Variants in CTTN observed in about 807,000 individuals in gnomAD.
CTTN encodes src substrate cortactin.
Under a neutral mutation model 84.0 loss-of-function variants are expected in CTTN, and 28 were observed. That is an observed-to-expected ratio of 0.33 (90% CI 0.25 to 0.46). CTTN has a LOEUF of 0.46. CTTN is among the 20% of genes least tolerant of loss of function. The pLI, the probability that CTTN is intolerant of heterozygous loss-of-function variation, is 1.00. For missense variants in CTTN, 641 were observed against 723.8 expected, an observed-to-expected ratio of 0.89 and a Z score of 1.31; for synonymous variants, 301 against 288.8, an observed-to-expected ratio of 1.04 and a Z score of -0.43.
chr11:70,435,915 G>A lies in CTTN; in HGVS notation c.*753G>A. 2 of 1,465,580 alleles carry A rather than the reference G, an allele frequency of 1.4e-6. No homozygotes were observed. The highest frequency in any genetic ancestry group is 2.8e-5 in the African/African-American group (2 of 70,228). The allele number at this position is 1,465,580 out of a possible 1,614,324, so 90.8% of individuals were successfully genotyped here. The stretch of plus-strand genomic sequence containing the variant: ...ATCCTCCCCTGCCCCGCGGGTCTCT[G>A]GATTGGGACGCACAGTGCAGTTGAG... On this transcript the variant is annotated 3_prime_UTR_variant, in exon 18 of 18. Transcript: ENST00000301843.
At chr11:70,411,933 C>T (rs1259029365) in intron 5 of CTTN, among the ~76,000 whole-genome samples, 1 of 152,124 alleles carries the variant, frequency 6.6e-6, no homozygotes, top group Admixed American at 6.5e-5. Context: ...CTCAGTGCCA[C>T]GTGCCCCCCC....
intron 15 of CTTN, among the ~76,000 whole-genome samples, chr11:70,432,098 C>T (rs1424247173): frequency 6.6e-6 from 1 of 152,178 alleles, no homozygotes; most frequent in Admixed American, 6.6e-5. Context: ...GGATCTGGGC[C>T]TCGATGGCCG....
chr11:70,404,086 C>T (rs1157876781), intron 1 of CTTN, among the ~76,000 whole-genome samples: 1 of 152,156 alleles, frequency 6.6e-6, no homozygotes, highest in Non-Finnish European at 1.5e-5. Context: ...GCCGATTACA[C>T]TAATAACTGC....
chr11:70,421,257 T>C (rs942046895), intron 10 of CTTN, among the ~76,000 whole-genome samples: 2 of 152,252 alleles, frequency 1.3e-5, no homozygotes, highest in Admixed American at 6.5e-5. Flanking sequence ...AGATCTTCGC[T>C]GAATGTTCAG....
intron 16 of CTTN, 99 bp from the exon 17 acceptor site, chr11:70,433,548 C>A: frequency 9.8e-7 from 1 of 1,021,342 alleles, no homozygotes; most frequent in Non-Finnish European, 1.6e-6. Context: ...GCCCTGTGTC[C>A]TTGAGACAAA....
intron 16 of CTTN, 106 bp downstream of exon 16, chr11:70,433,384 C>T (rs2058377957): frequency 1.8e-5 from 22 of 1,204,126 alleles, no homozygotes; most frequent in African/African-American, 6.1e-5. Context: ...CCCACTGACA[C>T]GCCTTTGCTT....
chr11:70,416,424 T>C (rs969559179), intron 7 of CTTN, among the ~76,000 whole-genome samples: 1 of 151,782 alleles, frequency 6.6e-6, no homozygotes, highest in South Asian at 2.1e-4. Context: ...ATTTTTTTCA[T>C]TTTGTTTTGT....
At chr11:70,411,328 C>T (rs1396896152) in intron 5 of CTTN, among the ~76,000 whole-genome samples, 88 of 118,948 alleles carry the variant, frequency 7.4e-4, no homozygotes, top group African/African-American at 2.7e-3. Flanking sequence ...GTGCAGCGAG[C>T]GAAGCGTGTG....
In CTTN at chr11:70,425,392, G is replaced by A. The variant is rs2058289861; in HGVS notation, c.1018G>A (p.Val340Ile). 3.7e-6 allele frequency: 6 copies of A among 1,611,114 alleles called. No individual in the cohort carries two copies. In the East Asian group the frequency reaches 6.7e-5, roughly 18 times the overall value. ...VSSAYQKTVP[V>I]EAVTSKTSNI... ...CTCTGCCTACCAGAAGACAGTACCT[G>A]TCGAAGCTGGTGAGTCCCGGCTGAT... The change falls in exon 13 of 18, where the codon GTC (valine) becomes ATC (isoleucine). Residue 340 changes from valine (V) to isoleucine (I), a missense_variant. Coordinates refer to ENST00000301843, the MANE Select transcript of CTTN (RefSeq NM_005231.4).
At chr11:70,422,498 C>G (rs972303302) in intron 11 of CTTN, 1 of 1,278,078 alleles carries the variant, frequency 7.8e-7, no homozygotes, top group African/African-American at 1.5e-5. Context: ...TTTTTTTTTT[C>G]TCTTAAAAAG....
chr11:70,426,279 C>T (rs1288837186), intron 13 of CTTN, among the ~76,000 whole-genome samples: 2 of 151,980 alleles, frequency 1.3e-5, no homozygotes, highest in African/African-American at 2.4e-5. Flanking sequence ...GGCATGGTGG[C>T]GGGCGCCTGT....
At chr11:70,425,250 C>T in intron 12 of CTTN, 82 bp from the exon 13 acceptor site, 3 of 1,075,260 alleles carry the variant, frequency 2.8e-6, no homozygotes, top group East Asian at 5.1e-5. Context: ...CTGGGGAAGG[C>T]ATTTGCATCT....
At chr11:70,406,773 ATTGTAAGTC>A (rs756043197) in intron 2 of CTTN, among the ~76,000 whole-genome samples, 1 of 152,212 alleles carries the variant, frequency 6.6e-6, no homozygotes, top group Non-Finnish European at 1.5e-5. Flanking sequence ...CATTTATTAA[ATTGTAAGTC>A]TGAATTAGGA....
chr11:70,408,505 C>T (rs1397381464), intron 4 of CTTN, among the ~76,000 whole-genome samples: 1 of 152,152 alleles, frequency 6.6e-6, no homozygotes, highest in Non-Finnish European at 1.5e-5. Context: ...TCAAGCGATC[C>T]TCTCACCTCA....
chr11:70,432,838 G>C (rs2058369222), intron 15 of CTTN, among the ~76,000 whole-genome samples: 2 of 152,132 alleles, frequency 1.3e-5, no homozygotes, highest in Admixed American at 1.3e-4. Flanking sequence ...CTCCTAACCT[G>C]CTGTGTGGGC....
At chr11:70,429,353 C>A (rs1285319556) in intron 14 of CTTN, among the ~76,000 whole-genome samples, 154 bp downstream of exon 14, 2 of 152,194 alleles carry the variant, frequency 1.3e-5, no homozygotes, top group African/African-American at 2.4e-5. Flanking sequence ...CATTAAGGCA[C>A]TTGTCACTTG....
At chr11:70,407,622 G>A (rs1191131712) in intron 4 of CTTN, 31 bp downstream of exon 4, 1 of 1,607,050 alleles carries the variant, frequency 6.2e-7, no homozygotes, top group Admixed American at 1.7e-5. Context: ...CCTCCCGAGG[G>A]CCCCTCTGCG....
In CTTN at chr11:70,417,099, A is replaced by C. The variant is rs2058172257; in HGVS notation, c.544A>C (p.Thr182Pro). Reference protein sequence around the residue: ...SAVGFDYQGKTEKHESQRDYS... With the variant: ...SAVGFDYQGKPEKHESQRDYS... ...GGTGGGCTTCGACTACCAGGGCAAG[A>C]CGGAGAAGCACGAGTCACAGAGAGG... is the stretch of plus-strand genomic sequence containing the variant. The change falls in exon 8 of 18, where the codon ACG (threonine) becomes CCG (proline). Residue 182 changes from threonine to proline, a missense_variant. Coordinates refer to ENST00000301843, the MANE Select transcript of CTTN (RefSeq NM_005231.4). The C allele has an allele frequency of 6.2e-7, 1 of 1,614,176 alleles. No individual in the cohort carries two copies.
intron 14 of CTTN, 74 bp from the exon 15 acceptor site, chr11:70,431,114 ATCT>A (rs2058348911): frequency 6.9e-7 from 1 of 1,445,280 alleles, no homozygotes. Context: ...CTTGCACACG[ATCT>A]TCTGAAACAC....
Sources: gnomAD v4.1 joint callset for allele counts (sites outside exome capture counted in the v4.1 genomes callset) on GRCh38, gnomAD v4.1.1 for gene constraint, MANE v1.5 for transcripts, NCBI Gene and HGNC (gene_info 2026-07-23, HGNC 2026-07-21) for gene names.